Variants in STX1B observed in about 807,000 individuals in gnomAD.
STX1B encodes syntaxin-1B.
In STX1B, 7 loss-of-function variants were observed where a neutral mutation model predicts 39.4. The ratio of observed to expected loss-of-function variants is 0.18; its 90% CI spans 0.10 to 0.33. The LOEUF (loss-of-function observed/expected upper bound fraction) is 0.33. STX1B is among the 10% of genes least tolerant of loss of function. The probability of loss-of-function intolerance (pLI) is 1.00; values close to 1 mark genes in which losing one functional copy is unlikely to be tolerated. For missense variants in STX1B, 198 were observed against 383.2 expected (o/e 0.52, Z 4.04); for synonymous variants, 136 against 144.1 (o/e 0.94, Z 0.40).
chr16:30,994,160 T>C (rs887393096), intron 7 of STX1B, among the ~76,000 whole-genome samples: 26 of 151,244 alleles, frequency 1.7e-4, no homozygotes, highest in African/African-American at 2.4e-4. Flanking sequence ...GGTGTGGTGG[T>C]GGGCGCCTGT....
At chr16:31,003,346 T>C (rs544321294) in intron 1 of STX1B, among the ~76,000 whole-genome samples, 1 of 152,336 alleles carries the variant, frequency 6.6e-6, no homozygotes, top group Admixed American at 6.5e-5. Flanking sequence ...GTGGCATAAG[T>C]TGGGGACCCT....
chr16:30,992,645 G>GT lies in STX1B; in HGVS notation c.*175_*176insA, dbSNP rs1555493816. ...GCTGCGATCTACGTGCGGGGACGGG[G>GT]GGGGGGTCCATGGCCCGGTGAGGTC... On this transcript the variant is annotated 3_prime_UTR_variant, in exon 10 of 10. Coordinates refer to ENST00000215095, the MANE Select transcript of STX1B (RefSeq NM_052874.5). The GT allele has an allele frequency of 1.9e-6, 1 of 517,782 alleles. No homozygotes were observed. Among genetic ancestry groups the GT allele is most frequent in the Non-Finnish European group, 3.5e-6 (1 of 288,874 alleles). The allele number at this position is 517,782 out of a possible 1,614,324, so 32.1% of individuals were successfully genotyped here.
At position 31,007,681 on chromosome 16, in the gene STX1B, A is replaced by G. The variant is rs1041214494; in HGVS notation, c.30+2686T>C. On this transcript the variant is annotated intron_variant, in intron 1 of 9. Coordinates refer to ENST00000215095, the MANE Select transcript of STX1B (RefSeq NM_052874.5). ...TTTTTTTTACCCCCTCTGGCCCTCA[A>G]TGTACTCCAAAATAAAATAGGGGCC... 2.0e-5 allele frequency among the ~76,000 whole-genome samples: 3 copies of G among 152,052 alleles called. No homozygotes were observed. The East Asian group carries it at 5.8e-4, about 29-fold the overall frequency.
At chr16:30,997,385 C>T in intron 5 of STX1B, 117 bp downstream of exon 5, 1 of 920,486 alleles carries the variant, frequency 1.1e-6, no homozygotes, top group South Asian at 1.4e-5. Context: ...CAGAGCCCCG[C>T]CCCAGCCCTC....
At chr16:31,008,529 G>C (rs905118858) in intron 1 of STX1B, among the ~76,000 whole-genome samples, 10 of 152,040 alleles carry the variant, frequency 6.6e-5, no homozygotes, top group African/African-American at 2.4e-4. Context: ...AATAGTCCTG[G>C]TAGCAGGGGA....
chr16:31,000,435 C>T (rs1326986140), intron 4 of STX1B, among the ~76,000 whole-genome samples: 2 of 150,924 alleles, frequency 1.3e-5, no homozygotes, highest in African/African-American at 2.4e-5. Context: ...TGGGCTCAAG[C>T]GATTCTTGTG....
chr16:30,991,207 T>C lies in STX1B; in HGVS notation c.*1614A>G, dbSNP rs2056555564. 1 of 152,708 alleles carries C rather than the reference T, an allele frequency of 6.5e-6. No individual in the cohort carries two copies. The highest frequency in any genetic ancestry group is 1.5e-5 in the Non-Finnish European group (1 of 68,080). The allele number at this position is 152,708 out of a possible 1,614,324, so 9.5% of individuals were successfully genotyped here. ...CCCGCACCCATGCCAGCGTGCATGG[T>C]TTGTGCCTGGTATGGCCCCTGCCTG... is the stretch of plus-strand genomic sequence containing the variant. On this transcript the variant is annotated 3_prime_UTR_variant, in exon 10 of 10. Transcript: ENST00000215095.
At chr16:31,004,670 C>T (rs1016333281) in intron 1 of STX1B, among the ~76,000 whole-genome samples, 3 of 135,432 alleles carry the variant, frequency 2.2e-5, no homozygotes, top group South Asian at 2.2e-4. Flanking sequence ...AGCAAGACCC[C>T]GTTTCTTAAA....
chr16:30,993,548 G>C, intron 7 of STX1B, 64 bp from the exon 8 acceptor site: 1 of 1,587,688 alleles, frequency 6.3e-7, no homozygotes, highest in Non-Finnish European at 8.6e-7. Context: ...CACCGCAGTG[G>C]AGTGGCCAGG....
chr16:30,992,303 A>G lies in STX1B; in HGVS notation c.*518T>C, dbSNP rs2056563740. The G allele has an allele frequency of 6.5e-6, 1 of 152,912 alleles. No homozygotes were observed. Among genetic ancestry groups the G allele is most frequent in the Non-Finnish European group, 1.5e-5 (1 of 68,616 alleles). 9.5% of individuals were successfully genotyped at this position (152,912 alleles called of 1,614,324 possible). ...GTATCAGTGGCTTTGTTGCTGTTGC[A>G]TTAGGTTCAAACACTGAAACACAAA... On this transcript the variant is annotated 3_prime_UTR_variant, in exon 10 of 10. Transcript: ENST00000215095.
At chr16:31,010,038 GAC>G (rs998418631) in intron 1 of STX1B, among the ~76,000 whole-genome samples, 10 of 152,160 alleles carry the variant, frequency 6.6e-5, no homozygotes, top group South Asian at 4.2e-4. Flanking sequence ...CCCAGGGGAT[GAC>G]AGTCTCCTCC....
Position 31,001,706 on chromosome 16 carries a change from TC to T in STX1B, c.31-104del. On this transcript the variant is annotated intron_variant, in intron 1 of 9. Coordinates refer to ENST00000215095, the MANE Select transcript of STX1B (RefSeq NM_052874.5). This position sits in a 1 kb window ranked among gnomAD's most constrained non-coding sequence, Gnocchi z 5.5. The stretch of plus-strand genomic sequence containing the variant: ...CTCCCTGCTATGCACACACAGGTGC[TC>T]CCAGCTCTAGGCTCAGAGGAGGGGT... The T allele has an allele frequency of 1.1e-6, 1 of 879,558 alleles. No homozygotes were observed. The highest frequency in any genetic ancestry group is 1.8e-6 in the Non-Finnish European group (1 of 565,640). The allele number at this position is 879,558 out of a possible 1,614,324, so 54.5% of individuals were successfully genotyped here.
Position 31,001,672 on chromosome 16 carries a change from TC to T in STX1B, c.31-70del. 1 of 1,209,708 alleles carries T rather than the reference TC, an allele frequency of 8.3e-7. No homozygotes were observed. The highest frequency in any genetic ancestry group is 1.2e-6 in the Non-Finnish European group (1 of 834,548). 74.9% of individuals were successfully genotyped at this position (1,209,708 alleles called of 1,614,324 possible). ...GTCCCCAAGGCTGGCTCTCCAGCTC[TC>T]CCACCCTCTCCCTGCTATGCACACA... is the stretch of plus-strand genomic sequence containing the variant. On this transcript the variant is annotated intron_variant, in intron 1 of 9. Transcript: ENST00000215095. The surrounding 1 kb of genome is among the most constrained non-coding windows in gnomAD (Gnocchi z 5.5).
chr16:31,006,764 C>G (rs779753787), intron 1 of STX1B, among the ~76,000 whole-genome samples: 3 of 152,154 alleles, frequency 2.0e-5, no homozygotes, highest in African/African-American at 4.8e-5. Flanking sequence ...GCAGAGGGAA[C>G]AGCATGCGCG....
chr16:30,994,292 A>T (rs76131031), intron 7 of STX1B, among the ~76,000 whole-genome samples: 2 of 238 alleles, frequency 8.4e-3, no homozygotes, highest in Non-Finnish European at 0.043. Flanking sequence ...ACTCCGTCTC[A>T]AAAAAAAAAA....
At chr16:31,005,111 T>C (rs77890232) in intron 1 of STX1B, among the ~76,000 whole-genome samples, 2,705 of 152,264 alleles carry the variant, frequency 0.018, 44 homozygotes, top group Non-Finnish European at 0.028. Flanking sequence ...CAGGCAAACT[T>C]AGACTCCTCC....
intron 4 of STX1B, among the ~76,000 whole-genome samples, chr16:30,998,522 G>A (rs2056607668): frequency 6.6e-6 from 1 of 152,260 alleles, no homozygotes; most frequent in South Asian, 2.1e-4. Context: ...AGTCCGGAGG[G>A]AGGGGTCTCT....
At chr16:30,998,155 T>C (rs909903079) in intron 4 of STX1B, among the ~76,000 whole-genome samples, 34 of 152,240 alleles carry the variant, frequency 2.2e-4, no homozygotes, top group African/African-American at 8.2e-4. Context: ...TTCCCACTTC[T>C]GAAGGACGTT....
rs563078827 is a variant in STX1B at position 31,002,870 on chromosome 16, G to A, written c.31-1267C>T. 2.6e-5 allele frequency among the ~76,000 whole-genome samples: 4 copies of A among 152,336 alleles called. No individual in the cohort carries two copies. In the South Asian group the frequency reaches 8.3e-4, roughly 32 times the overall value. ...GACAGGATCCAAACAGCATCCACCT[G>A]GGGGTGTACTCAGTTGGAATCCAAA... On this transcript the variant is annotated intron_variant, in intron 1 of 9. Coordinates refer to ENST00000215095, the MANE Select transcript of STX1B (RefSeq NM_052874.5).
Sources: allele counts gnomAD v4.1 joint callset (sites outside exome capture counted in the v4.1 genomes callset), GRCh38; gene constraint gnomAD v4.1.1; non-coding constraint Gnocchi (gnomAD v3.1); transcripts MANE v1.5; gene names NCBI Gene and HGNC (gene_info 2026-07-23, HGNC 2026-07-21).